The following GPC5 variants were observed in gnomAD, a reference collection of about 807,000 sequenced individuals.
GPC5 encodes glypican-5.
Under a neutral mutation model 53.9 loss-of-function variants are expected in GPC5, and 47 were observed. The ratio of observed to expected loss-of-function variants is 0.87; its 90% CI spans 0.69 to 1.11. GPC5 has a LOEUF of 1.11. Ranked by LOEUF, GPC5 falls within the 50% of genes most tolerant of loss-of-function variation. The pLI, the probability that GPC5 is intolerant of heterozygous loss-of-function variation, is 0.00. For synonymous variants in GPC5, 286 were observed against 263.3 expected (o/e 1.09, Z -0.84); for missense variants, 748 against 713.1 (o/e 1.05, Z -0.56).
intron 2 of GPC5, among the ~76,000 whole-genome samples, chr13:91,480,707 C>G (rs529614596): frequency 6.6e-6 from 1 of 152,092 alleles, no homozygotes. Flanking sequence ...TTCTAAAGAG[C>G]CTGAGCCCTT....
chr13:92,280,786 T>C (rs142519458), intron 7 of GPC5, among the ~76,000 whole-genome samples: 1 of 152,254 alleles, frequency 6.6e-6, no homozygotes, highest in Non-Finnish European at 1.5e-5. Context: ...GATGGCCTAA[T>C]AGGAACAGCT....
intron 5 of GPC5, among the ~76,000 whole-genome samples, chr13:91,783,104 A>G (rs2037823483): frequency 6.6e-6 from 1 of 152,048 alleles, no homozygotes; most frequent in African/African-American, 2.4e-5. Context: ...CATACCAAAA[A>G]TTAGCCAAAT....
chr13:92,265,012 T>C (rs1009563879), intron 7 of GPC5, among the ~76,000 whole-genome samples: 3 of 151,364 alleles, frequency 2.0e-5, no homozygotes, highest in African/African-American at 7.3e-5. Flanking sequence ...AATGGTGAGG[T>C]CCCATGAGCA....
intron 2 of GPC5, among the ~76,000 whole-genome samples, chr13:91,459,336 A>G (rs533982259): frequency 2.0e-5 from 3 of 152,200 alleles, no homozygotes; most frequent in African/African-American, 7.2e-5. Context: ...TAAGCACTCT[A>G]TCTAGTTGTC....
At chr13:91,959,652 C>G (rs1313369862) in intron 6 of GPC5, among the ~76,000 whole-genome samples, 1 of 151,972 alleles carries the variant, frequency 6.6e-6, no homozygotes, top group Non-Finnish European at 1.5e-5. Flanking sequence ...CAAAAAAATA[C>G]TAGCAAACTA....
chr13:92,031,729 TTAC>T (rs2040845512), intron 6 of GPC5, among the ~76,000 whole-genome samples: 1 of 65,860 alleles, frequency 1.5e-5, no homozygotes, highest in African/African-American at 6.0e-5. Context: ...ATGTAATATA[TTAC>T]ATATTATATA....
intron 7 of GPC5, among the ~76,000 whole-genome samples, chr13:92,638,284 G>A (rs112258059): frequency 0.029 from 4,371 of 152,112 alleles, 207 homozygotes; most frequent in African/African-American, 0.099. Context: ...ATTGCTTTGA[G>A]ACAAGTCTAC....
intron 5 of GPC5, among the ~76,000 whole-genome samples, chr13:91,778,249 A>G (rs1390174191): frequency 6.6e-6 from 1 of 152,200 alleles, no homozygotes; most frequent in Non-Finnish European, 1.5e-5. Context: ...CAAAGTCTTC[A>G]GGAGTTCAGG....
chr13:91,647,868 C>T (rs1211096536), intron 2 of GPC5, among the ~76,000 whole-genome samples: 1 of 152,186 alleles, frequency 6.6e-6, no homozygotes, highest in Non-Finnish European at 1.5e-5. Context: ...TCCTAGAGGA[C>T]TCTTTCTAAC....
rs1594271971 is a variant in GPC5 at position 91,571,894 on chromosome 13, TATACACATA to T, written c.326-121292_326-121284del. ...ATATATACACACATATACGTGTGTA[TATACACATA>T]TTGTATATATACACATATTGTATAT... On this transcript the variant is annotated intron_variant, in intron 2 of 7. Transcript: ENST00000377067. Among the ~76,000 whole-genome samples the T allele has an allele frequency of 2.1e-4, 17 of 79,960 alleles. No homozygotes were observed. The South Asian group carries it at 3.1e-3, about 14-fold the overall frequency. The allele number at this position is 79,960 out of a possible 152,430, so 52.5% of individuals were successfully genotyped here. A position where few individuals can be genotyped will look rare whatever the true frequency, so the allele number is the denominator to read the frequency against.
chr13:92,197,239 A>G (rs1176501179), intron 7 of GPC5, among the ~76,000 whole-genome samples: 2 of 152,162 alleles, frequency 1.3e-5, no homozygotes, highest in Non-Finnish European at 2.9e-5. Context: ...AAAAACCCCC[A>G]GACCATAAAT....
intron 7 of GPC5, among the ~76,000 whole-genome samples, chr13:92,561,564 C>G (rs1300493169): frequency 6.6e-6 from 1 of 151,960 alleles, no homozygotes; most frequent in Non-Finnish European, 1.5e-5. Flanking sequence ...ATACAAATGT[C>G]ATTTATTCAT....
intron 6 of GPC5, among the ~76,000 whole-genome samples, chr13:91,960,646 TG>T (rs1204487691): frequency 1.3e-5 from 2 of 151,996 alleles, no homozygotes; most frequent in East Asian, 3.8e-4. Context: ...TCACACAACT[TG>T]ATTTCAAAAT....
At chr13:92,541,145 T>C (rs1881919022) in intron 7 of GPC5, among the ~76,000 whole-genome samples, 1 of 151,826 alleles carries the variant, frequency 6.6e-6, no homozygotes, top group Non-Finnish European at 1.5e-5. Flanking sequence ...ATTAAATAAA[T>C]AGAAAAAATG....
chr13:91,584,635 A>G (rs2032492208), intron 2 of GPC5, among the ~76,000 whole-genome samples: 1 of 151,790 alleles, frequency 6.6e-6, no homozygotes, highest in Non-Finnish European at 1.5e-5. Context: ...CTGGAGTGCA[A>G]TGGCGCAATC....
In GPC5 at chr13:92,787,901, G is replaced by A. The variant is rs369036605; in HGVS notation, c.1562-78381G>A. 3.4e-3 allele frequency among the ~76,000 whole-genome samples: 504 copies of A among 148,508 alleles called. 4 individuals are homozygous for A. Among genetic ancestry groups the A allele is most frequent in the African/African-American group, 0.012 (476 of 40,642 alleles). ...CAAAAAAAAAAAAAAAAATACTACC[G>A]CCAAGATGAAGAGGAAGGAGATTTT... On this transcript the variant is annotated intron_variant, in intron 7 of 7. Transcript: ENST00000377067.
intron 6 of GPC5, among the ~76,000 whole-genome samples, chr13:91,955,718 A>G (rs1218615452): frequency 6.6e-6 from 1 of 152,190 alleles, no homozygotes; most frequent in Admixed American, 6.5e-5. Flanking sequence ...AGAGGAGCAT[A>G]ATAGCTTGTG....
intron 7 of GPC5, among the ~76,000 whole-genome samples, chr13:92,279,805 A>C (rs2042901257): frequency 6.6e-6 from 1 of 151,992 alleles, no homozygotes; most frequent in African/African-American, 2.4e-5. Flanking sequence ...CAGTATGCTT[A>C]TTTGGTTTTC....
chr13:92,314,738 T>C (rs2043167145), intron 7 of GPC5, among the ~76,000 whole-genome samples: 1 of 152,176 alleles, frequency 6.6e-6, no homozygotes, highest in Non-Finnish European at 1.5e-5. Flanking sequence ...GAGGAGAAAC[T>C]GAGTAAGTGT....
Sources: gnomAD v4.1 joint callset for allele counts (sites outside exome capture counted in the v4.1 genomes callset) on GRCh38, gnomAD v4.1.1 for gene constraint, MANE v1.5 for transcripts, NCBI Gene and HGNC (gene_info 2026-07-23, HGNC 2026-07-21) for gene names.